The following RYR2 variants were observed in gnomAD, a reference collection of about 807,000 sequenced individuals.
The protein encoded by RYR2 is cardiac muscle ryanodine receptor-calcium release channel.
RYR2 carries 227 observed loss-of-function variants against 601.1 expected under a neutral mutation model. That is an observed-to-expected ratio of 0.38 (90% CI 0.34 to 0.42). The LOEUF (loss-of-function observed/expected upper bound fraction) is 0.42, where lower values mean the gene tolerates loss of function less well. Among genes scored for constraint, RYR2 ranks in the 10% least tolerant of loss-of-function variants. RYR2 has a pLI of 1.00. For synonymous variants in RYR2, 2,223 were observed against 2,175.1 expected (o/e 1.02, Z -0.61); for missense variants, 4,646 against 6,156.5 (o/e 0.75, Z 8.21).
intron 63 of RYR2, among the ~76,000 whole-genome samples, chr1:237,688,796 A>G (rs961870590): frequency 1.3e-5 from 2 of 152,180 alleles, no homozygotes; most frequent in Non-Finnish European, 2.9e-5. Flanking sequence ...AGCAAGTGCT[A>G]TCTAATTATA....
intron 94 of RYR2, among the ~76,000 whole-genome samples, chr1:237,793,394 C>G (rs951188866): frequency 2.6e-5 from 4 of 151,978 alleles, no homozygotes; most frequent in South Asian, 2.1e-4. Context: ...TTGCTGATGT[C>G]GAAATTAAAA....
intron 24 of RYR2, among the ~76,000 whole-genome samples, chr1:237,523,705 C>T (rs558252675): frequency 3.5e-4 from 53 of 151,344 alleles, no homozygotes; most frequent in Non-Finnish European, 7.4e-4. Context: ...CCACTGTCCT[C>T]CTGCCTGGGT....
At chr1:237,555,466 C>T (rs1048591218) in intron 27 of RYR2, among the ~76,000 whole-genome samples, 4 of 152,080 alleles carry the variant, frequency 2.6e-5, no homozygotes, top group African/African-American at 9.7e-5. Flanking sequence ...AAAAAACTCA[C>T]ACCTGGTTTT....
At chr1:237,637,158 G>T (rs926146497) in intron 44 of RYR2, among the ~76,000 whole-genome samples, 1 of 152,156 alleles carries the variant, frequency 6.6e-6, no homozygotes, top group African/African-American at 2.4e-5. Context: ...ATACTTCAAA[G>T]AGATGAGTTT....
intron 1 of RYR2, among the ~76,000 whole-genome samples, chr1:237,110,511 C>T (rs10925317): frequency 0.01 from 1,540 of 150,092 alleles, 32 homozygotes; most frequent in African/African-American, 0.036. Flanking sequence ...TGAGAACATG[C>T]GGTGTATGGT....
intron 1 of RYR2, among the ~76,000 whole-genome samples, chr1:237,127,551 C>G (rs544025318): frequency 2.9e-4 from 44 of 150,892 alleles, no homozygotes; most frequent in African/African-American, 1.1e-3. Context: ...GGCGGCTGGC[C>G]TGGCGGGGGG....
At chr1:237,373,522 G>A (rs886942930) in intron 6 of RYR2, among the ~76,000 whole-genome samples, 3 of 152,206 alleles carry the variant, frequency 2.0e-5, no homozygotes, top group African/African-American at 7.2e-5. Context: ...CTTGCTTCGT[G>A]ATGGTAGTGT....
At chr1:237,707,355 C>A in intron 68 of RYR2, 86 bp downstream of exon 68, 1 of 684,316 alleles carries the variant, frequency 1.5e-6, no homozygotes, top group Non-Finnish European at 2.2e-6. Flanking sequence ...ATTTTCCCAT[C>A]ACAATTTTTA....
In RYR2 at chr1:237,713,245, G is replaced by A. The variant is rs74483696; in HGVS notation, c.10323+1408G>A. 6.5e-3 allele frequency among the ~76,000 whole-genome samples: 990 copies of A among 152,244 alleles called. 13 individuals carry two copies. The highest frequency in any genetic ancestry group is 0.023 in the African/African-American group (935 of 41,542). ...AGCACTACATGTCATAGAACCTAGA[G>A]TGAGACATGCATAAAGATGACTGAT... is the stretch of plus-strand genomic sequence containing the variant. On this transcript the variant is annotated intron_variant, in intron 71 of 104. Coordinates refer to ENST00000366574, the MANE Select transcript of RYR2 (RefSeq NM_001035.3).
intron 14 of RYR2, among the ~76,000 whole-genome samples, chr1:237,453,195 G>A (rs1376013113): frequency 6.6e-6 from 1 of 151,970 alleles, no homozygotes; most frequent in Non-Finnish European, 1.5e-5. Context: ...CTTGCATTTT[G>A]GGCACAGAAA....
intron 2 of RYR2, among the ~76,000 whole-genome samples, chr1:237,324,528 T>C (rs1261354843): frequency 6.6e-6 from 1 of 152,218 alleles, no homozygotes; most frequent in Non-Finnish European, 1.5e-5. Context: ...TCTTAATTTA[T>C]ATCTCTCTGA....
chr1:237,069,296 C>A (rs1239902762), intron 1 of RYR2, among the ~76,000 whole-genome samples: 1 of 151,680 alleles, frequency 6.6e-6, no homozygotes, highest in Admixed American at 6.6e-5. Flanking sequence ...TTAAAGAGAG[C>A]AATTTTCAAA....
intron 79 of RYR2, among the ~76,000 whole-genome samples, chr1:237,737,882 T>G (rs902771996): frequency 6.6e-6 from 1 of 152,260 alleles, no homozygotes; most frequent in Non-Finnish European, 1.5e-5. Flanking sequence ...AAACTCGAAT[T>G]CTAACTTTGG....
intron 2 of RYR2, among the ~76,000 whole-genome samples, chr1:237,320,835 G>A (rs1334611653): frequency 2.0e-5 from 3 of 152,156 alleles, no homozygotes; most frequent in African/African-American, 7.2e-5. Context: ...ATTCCCAGAG[G>A]AGCTCATGTG....
chr1:237,518,804 GTTTTAT>G (rs1666813154), intron 24 of RYR2, among the ~76,000 whole-genome samples: 1 of 152,154 alleles, frequency 6.6e-6, no homozygotes, highest in Non-Finnish European at 1.5e-5. Context: ...TCGAATGGTA[GTTTTAT>G]TTTTAGTTCC....
At chr1:237,631,745 A>C (rs1680307057) in intron 42 of RYR2, among the ~76,000 whole-genome samples, 1 of 146,942 alleles carries the variant, frequency 6.8e-6, no homozygotes, top group Admixed American at 7.1e-5. Context: ...CTCCTGCCTC[A>C]GCCTCCCGAG....
At chr1:237,153,488 T>G (rs1431791419) in intron 1 of RYR2, among the ~76,000 whole-genome samples, 6 of 152,164 alleles carry the variant, frequency 3.9e-5, no homozygotes, top group African/African-American at 1.4e-4. Context: ...ATAATATTTC[T>G]ATAAAATAAC....
In RYR2 at chr1:237,697,176, T is replaced by C. The variant is rs139057229; in HGVS notation, c.9068-1789T>C. ...CATTTTTTGCCTCAGAGCCTTTGCA[T>C]GGGCTCTTCCCTGTACCTGGATCTC... On this transcript the variant is annotated intron_variant, in intron 63 of 104. Coordinates refer to ENST00000366574, the MANE Select transcript of RYR2 (RefSeq NM_001035.3). Among the ~76,000 whole-genome samples the C allele has an allele frequency of 9.1e-3, 1,095 of 120,530 alleles. 11 individuals are homozygous for C. The highest frequency in any genetic ancestry group is 0.083 in the South Asian group (270 of 3,266). 79.1% of individuals were successfully genotyped at this position (120,530 alleles called of 152,430 possible). A position where few individuals can be genotyped will look rare whatever the true frequency, so the allele number is the denominator to read the frequency against.
intron 29 of RYR2, among the ~76,000 whole-genome samples, chr1:237,587,283 T>C (rs1376358821): frequency 6.6e-6 from 1 of 152,226 alleles, no homozygotes; most frequent in African/African-American, 2.4e-5. Flanking sequence ...ACTCAAACAG[T>C]ATGTTGTTTG....
Sources: allele counts gnomAD v4.1 joint callset (sites outside exome capture counted in the v4.1 genomes callset), GRCh38; gene constraint gnomAD v4.1.1; transcripts MANE v1.5; gene names NCBI Gene and HGNC (gene_info 2026-07-23, HGNC 2026-07-21).